The following PALM2AKAP2 variants were observed in gnomAD, a reference collection of about 807,000 sequenced individuals.
PALM2AKAP2 encodes PALM2 and AKAP2 fusion, also known as PALM2-AKAP2 fusion protein.
In PALM2AKAP2, 37 loss-of-function variants were observed where a neutral mutation model predicts 71.5. The ratio of observed to expected loss-of-function variants is 0.52; its 90% CI spans 0.40 to 0.68. The LOEUF (loss-of-function observed/expected upper bound fraction) is 0.68. PALM2AKAP2 is among the 30% of genes least tolerant of loss of function. The pLI, the probability that PALM2AKAP2 is intolerant of heterozygous loss-of-function variation, is 0.00. For synonymous variants in PALM2AKAP2, 468 were observed against 478.8 expected (o/e 0.98, Z 0.29); for missense variants, 1,224 against 1,191.8 (o/e 1.03, Z -0.40).
At chr9:109,752,031 C>A (rs1828893478) in intron 1 of PALM2AKAP2, among the ~76,000 whole-genome samples, 1 of 152,074 alleles carries the variant, frequency 6.6e-6, no homozygotes, top group Non-Finnish European at 1.5e-5. Flanking sequence ...CCTGATTGGT[C>A]CTTTCATGTA....
At chr9:110,003,052 G>C (rs1588053198) in intron 6 of PALM2AKAP2, among the ~76,000 whole-genome samples, 1 of 152,296 alleles carries the variant, frequency 6.6e-6, no homozygotes, top group African/African-American at 2.4e-5. Context: ...TCTGATCTTA[G>C]TTATTTCTTG....
chr9:110,043,115 AATTCTTACTTGTTACATCC>A (rs2132467045), intron 7 of PALM2AKAP2, among the ~76,000 whole-genome samples: 1 of 152,138 alleles, frequency 6.6e-6, no homozygotes, highest in South Asian at 2.1e-4. Flanking sequence ...TCATCCTCTG[AATTCTTACTTGTTACATCC>A]ATTTTGCCTC....
chr9:109,990,067 C>CTTT (rs35739397), intron 6 of PALM2AKAP2, among the ~76,000 whole-genome samples: 130 of 134,098 alleles, frequency 9.7e-4, no homozygotes, highest in African/African-American at 1.5e-3. Context: ...TTCTTTCTTT[C>CTTT]TTTTTTTTTT....
intron 1 of PALM2AKAP2, among the ~76,000 whole-genome samples, chr9:109,715,549 G>T (rs1441108050): frequency 6.6e-6 from 1 of 152,118 alleles, no homozygotes; most frequent in African/African-American, 2.4e-5. Context: ...CAGCCGCTCA[G>T]CCTGCTGTCC....
At chr9:109,809,683 A>G (rs1428902737) in intron 1 of PALM2AKAP2, among the ~76,000 whole-genome samples, 3 of 152,144 alleles carry the variant, frequency 2.0e-5, no homozygotes, top group African/African-American at 7.2e-5. Flanking sequence ...AGGACCTGAG[A>G]TTTGGGAGAG....
intron 1 of PALM2AKAP2, chr9:109,867,164 CTGTGTGTGTGTGTGTG>C (rs56194780): frequency 3.3e-5 from 13 of 399,802 alleles, no homozygotes; most frequent in Middle Eastern, 6.2e-4. Context: ...ACATGGTTCT[CTGTGTGTGTGTGTGTG>C]TGTGTGTGTG....
chr9:109,947,594 T>G (rs1030133662), intron 6 of PALM2AKAP2, among the ~76,000 whole-genome samples: 2 of 152,180 alleles, frequency 1.3e-5, no homozygotes, highest in Non-Finnish European at 2.9e-5. Flanking sequence ...GCCCTGCCAA[T>G]ATAAAACGCA....
chr9:109,759,694 A>G (rs906273917), intron 1 of PALM2AKAP2, among the ~76,000 whole-genome samples: 2 of 152,088 alleles, frequency 1.3e-5, no homozygotes, highest in African/African-American at 4.8e-5. Context: ...GTTTCTCTGG[A>G]CGGATGTTGT....
intron 1 of PALM2AKAP2, among the ~76,000 whole-genome samples, chr9:110,069,395 C>G (rs1834156362): frequency 6.6e-6 from 1 of 152,202 alleles, no homozygotes; most frequent in South Asian, 2.1e-4. Context: ...GACTTCAAAA[C>G]ATTTGTTTGT....
intron 1 of PALM2AKAP2, among the ~76,000 whole-genome samples, chr9:109,803,676 A>G (rs565483913): frequency 5.9e-5 from 9 of 152,334 alleles, no homozygotes; most frequent in East Asian, 1.9e-4. Flanking sequence ...TGCAGGAGGC[A>G]GGAAAGCAAG....
intron 1 of PALM2AKAP2, among the ~76,000 whole-genome samples, chr9:109,858,752 T>A (rs1829235197): frequency 6.6e-6 from 1 of 152,190 alleles, no homozygotes; most frequent in African/African-American, 2.4e-5. Flanking sequence ...AAGGGGCTTA[T>A]CAATGTGGTG....
chr9:110,160,197 T>C (rs1223580468), intron 3 of PALM2AKAP2, among the ~76,000 whole-genome samples: 3 of 152,126 alleles, frequency 2.0e-5, no homozygotes, highest in Non-Finnish European at 1.5e-5. Flanking sequence ...AGCCACACAT[T>C]TGGGGGGTAG....
chr9:110,084,685 A>G (rs1221308796), intron 1 of PALM2AKAP2, among the ~76,000 whole-genome samples: 1 of 152,216 alleles, frequency 6.6e-6, no homozygotes, highest in African/African-American at 2.4e-5. Context: ...ATGATAAAAA[A>G]AAGTCTGTGG....
intron 6 of PALM2AKAP2, among the ~76,000 whole-genome samples, chr9:109,938,008 G>T (rs965949352): frequency 6.6e-6 from 1 of 152,220 alleles, no homozygotes; most frequent in South Asian, 2.1e-4. Flanking sequence ...TCTGTGCTTT[G>T]TGGTTAGAGA....
intron 3 of PALM2AKAP2, among the ~76,000 whole-genome samples, chr9:109,921,193 G>A (rs1055342012): frequency 3.9e-5 from 6 of 152,148 alleles, no homozygotes; most frequent in Non-Finnish European, 7.3e-5. Flanking sequence ...TCTTGGCTGG[G>A]CCACACCTTT....
upstream of PALM2AKAP2, among the ~76,000 whole-genome samples, chr9:109,779,124 A>T (rs1043674597): frequency 6.6e-6 from 1 of 152,192 alleles, no homozygotes; most frequent in African/African-American, 2.4e-5. Flanking sequence ...AAGAGGCCAT[A>T]TTAGTTATTT....
intron 1 of PALM2AKAP2, among the ~76,000 whole-genome samples, chr9:109,737,442 C>T (rs1398455615): frequency 1.3e-5 from 2 of 152,234 alleles, no homozygotes; most frequent in Admixed American, 6.5e-5. Flanking sequence ...TACAAAGTGT[C>T]ACTCACTCTG....
rs560267113 is a variant in PALM2AKAP2, at chr9:109,756,013, C to T, written c.6-24475C>T. Among the ~76,000 whole-genome samples the T allele has an allele frequency of 2.4e-4, 37 of 152,210 alleles. No individual in the cohort carries two copies. The South Asian group carries it at 7.5e-3, about 31-fold the overall frequency. On this transcript the variant is annotated intron_variant, in intron 1 of 6. Coordinates refer to the PALM2AKAP2 transcript ENST00000374531. ...TTTGATGAGCTTCCTTATACATAAA[C>T]CCTTGTTCCCATCTCTAGTTATGTT...
chr9:110,129,282 A>G (rs1192342539), intron 1 of PALM2AKAP2, among the ~76,000 whole-genome samples: 2 of 152,370 alleles, frequency 1.3e-5, no homozygotes, highest in African/African-American at 4.8e-5. Flanking sequence ...TGAGTCTCAC[A>G]TCATCTGTAG....
Sources: gnomAD v4.1 joint callset for allele counts (sites outside exome capture counted in the v4.1 genomes callset) on GRCh38, gnomAD v4.1.1 for gene constraint, MANE v1.5 for transcripts, NCBI Gene and HGNC (gene_info 2026-07-23, HGNC 2026-07-21) for gene names.